WDFY3: variants seen among roughly 807,000 people sequenced by gnomAD.
The protein encoded by WDFY3 is WD repeat and FYVE domain-containing protein 3.
A neutral mutation model predicts 409.6 loss-of-function variants in WDFY3; 66 were observed. The ratio of observed to expected loss-of-function variants is 0.16; its 90% CI spans 0.13 to 0.20. The LOEUF is 0.20. Among genes scored for constraint, WDFY3 ranks in the 10% least tolerant of loss-of-function variants. The pLI is 1.00. For missense variants in WDFY3, 3,031 were observed against 4,298.1 expected (o/e 0.71, Z 8.24); for synonymous variants, 1,521 against 1,537.1 (o/e 0.99, Z 0.25).
rs903295417 is a variant in WDFY3, at chr4:84,837,833, C to T, written c.415-743G>A. ...TTAGTTAGTTTACTTTCTCAGAAAACATTTATTGAGTGTCCAGGGAATGTC... is the reference window on the plus strand; with the variant it reads ...TTAGTTAGTTTACTTTCTCAGAAAATATTTATTGAGTGTCCAGGGAATGTC... On this transcript the variant is annotated intron_variant, in intron 6 of 67. Transcript: ENST00000295888. Among the ~76,000 whole-genome samples the T allele has an allele frequency of 2.0e-5, 3 of 152,230 alleles. No individual in the cohort carries two copies. In the East Asian group the frequency reaches 5.8e-4, roughly 29 times the overall value.
intron 2 of WDFY3, among the ~76,000 whole-genome samples, chr4:84,914,549 G>C (rs1273543050): frequency 1.3e-5 from 2 of 152,156 alleles, no homozygotes; most frequent in Non-Finnish European, 2.9e-5. Flanking sequence ...AGTTGCTCAA[G>C]GGTCAACTGT....
intron 62 of WDFY3, among the ~76,000 whole-genome samples, chr4:84,687,414 A>AT (rs1728514238): frequency 6.6e-6 from 1 of 152,144 alleles, no homozygotes; most frequent in African/African-American, 2.4e-5. Context: ...AAGTGCTGGG[A>AT]TTACAGGCAT....
intron 44 of WDFY3, among the ~76,000 whole-genome samples, chr4:84,731,089 G>T (rs202129660): frequency 2.3e-4 from 35 of 152,192 alleles, no homozygotes; most frequent in African/African-American, 8.2e-4. Flanking sequence ...GAGCCACTGC[G>T]CCTGGCAAAA....
chr4:84,766,173 G>T, intron 31 of WDFY3, 79 bp downstream of exon 31: 1 of 1,498,394 alleles, frequency 6.7e-7, no homozygotes, highest in South Asian at 1.3e-5. Context: ...TAAAGTCAAT[G>T]GCAATTCCTT....
At position 84,915,766 on chromosome 4, in the gene WDFY3, G is replaced by C. The variant is rs189227398; in HGVS notation, c.-132+16504C>G. Among the ~76,000 whole-genome samples the C allele has an allele frequency of 1.2e-4, 18 of 152,266 alleles. 1 individual carries two copies. The East Asian group carries it at 2.3e-3, about 20-fold the overall frequency. ...TAATAATCAAAACTGTAGAACCTCA[G>C]AGTAGTAGAAGCTTTAAGTGTACAG... On this transcript the variant is annotated intron_variant, in intron 2 of 67. Transcript: ENST00000295888.
At chr4:84,706,941 T>C (rs1445129573) in intron 53 of WDFY3, among the ~76,000 whole-genome samples, 5 of 148,722 alleles carry the variant, frequency 3.4e-5, no homozygotes, top group East Asian at 1.9e-4. Context: ...TTTACTTCTT[T>C]TTTTTTTTTT....
intron 30 of WDFY3, among the ~76,000 whole-genome samples, chr4:84,768,410 C>G (rs1412416005): frequency 2.0e-5 from 3 of 152,312 alleles, no homozygotes; most frequent in East Asian, 1.9e-4. Context: ...AGAGCTGACT[C>G]TCTTGTTAGA....
intron 47 of WDFY3, among the ~76,000 whole-genome samples, chr4:84,720,294 CAA>C (rs1356807791): frequency 6.6e-6 from 1 of 151,936 alleles, no homozygotes; most frequent in Non-Finnish European, 1.5e-5. Flanking sequence ...GCCTGAGTAG[CAA>C]AAGAGTCAAA....
chr4:84,697,328 A>C (rs1278096030), intron 56 of WDFY3, among the ~76,000 whole-genome samples: 1 of 152,250 alleles, frequency 6.6e-6, no homozygotes, highest in Non-Finnish European at 1.5e-5. Context: ...GGTTCTCAAA[A>C]GAGCTCTGTA....
intron 3 of WDFY3, among the ~76,000 whole-genome samples, chr4:84,874,152 A>T (rs1762474541): frequency 6.6e-6 from 1 of 151,536 alleles, no homozygotes; most frequent in Non-Finnish European, 1.5e-5. Flanking sequence ...GGTGGCTCAC[A>T]CCTGTAATCC....
chr4:84,877,567 G>C (rs908786056), intron 3 of WDFY3, among the ~76,000 whole-genome samples: 1 of 152,142 alleles, frequency 6.6e-6, no homozygotes, highest in Non-Finnish European at 1.5e-5. Flanking sequence ...CCAAAGAGTT[G>C]GAATTAAAGG....
rs140563506 is a variant in WDFY3, at chr4:84,914,705, T to C, written c.-132+17565A>G. Among the ~76,000 whole-genome samples the C allele has an allele frequency of 1.1e-3, 174 of 152,250 alleles. 1 individual carries two copies. Among genetic ancestry groups the C allele is most frequent in the East Asian group, 7.5e-3 (39 of 5,172 alleles). ...GGAAAATAACAAGTGCTAGTAAGTATGTAGAGAAATTGGAACCCTCATGTA... is the reference window on the plus strand; with the variant it reads ...GGAAAATAACAAGTGCTAGTAAGTACGTAGAGAAATTGGAACCCTCATGTA... On this transcript the variant is annotated intron_variant, in intron 2 of 67. Coordinates refer to ENST00000295888, the MANE Select transcript of WDFY3 (RefSeq NM_014991.6).
At chr4:84,727,050 G>T in intron 44 of WDFY3, 139 bp from the exon 45 acceptor site, 2 of 698,586 alleles carry the variant, frequency 2.9e-6, no homozygotes, top group Non-Finnish European at 4.6e-6. Flanking sequence ...AGCCTAAGCA[G>T]CTTAAATAAT....
chr4:84,820,065 C>T lies in WDFY3; in HGVS notation c.1693+20G>A, dbSNP rs1227066174. 1.9e-6 allele frequency: 3 copies of T among 1,578,498 alleles called. No individual in the cohort carries two copies. The highest frequency in any genetic ancestry group is 2.3e-5 in the East Asian group (1 of 44,010). On this transcript the variant is annotated intron_variant, in intron 12 of 67. Coordinates refer to ENST00000295888, the MANE Select transcript of WDFY3 (RefSeq NM_014991.6). ...CAGTGGTAATCTCCCAAAGTATTTG[C>T]TTGCAGCTTTTTAAATTACCTGCAT...
chr4:84,864,339 C>A (rs1761075825), intron 3 of WDFY3, among the ~76,000 whole-genome samples: 1 of 131,766 alleles, frequency 7.6e-6, no homozygotes, highest in South Asian at 2.3e-4. Context: ...GCACTCCAGC[C>A]TGGGTGAAAG....
chr4:84,678,713 C>G (rs985312557), intron 65 of WDFY3, among the ~76,000 whole-genome samples: 4 of 152,184 alleles, frequency 2.6e-5, no homozygotes, highest in African/African-American at 9.7e-5. Flanking sequence ...ATTGCAAACA[C>G]CATCGTAGGA....
At chr4:84,724,987 C>T (rs1160003429) in intron 45 of WDFY3, among the ~76,000 whole-genome samples, 9 of 152,178 alleles carry the variant, frequency 5.9e-5, no homozygotes, top group Non-Finnish European at 1.3e-4. Context: ...ACTTCACTTC[C>T]ACCCCAAGTG....
chr4:84,834,845 G>A (rs1188398660), intron 7 of WDFY3, among the ~76,000 whole-genome samples: 1 of 152,164 alleles, frequency 6.6e-6, no homozygotes, highest in East Asian at 1.9e-4. Flanking sequence ...CAAACGTAGG[G>A]ATTGCATCTA....
At chr4:84,827,108 A>G (rs1439743466) in intron 9 of WDFY3, 127 bp from the exon 10 acceptor site, 7 of 908,600 alleles carry the variant, frequency 7.7e-6, no homozygotes, top group Non-Finnish European at 9.3e-6. Flanking sequence ...GTACTGAAAG[A>G]ACACTGGGGT....
Sources: gnomAD v4.1 joint callset for allele counts (sites outside exome capture counted in the v4.1 genomes callset) on GRCh38, gnomAD v4.1.1 for gene constraint, MANE v1.5 for transcripts, NCBI Gene and HGNC (gene_info 2026-07-23, HGNC 2026-07-21) for gene names.